OTUD7B: variants seen among roughly 807,000 people sequenced by gnomAD.
OTUD7B encodes the protein OTU deubiquitinase 7B.
In OTUD7B, 34 loss-of-function variants were observed where a neutral mutation model predicts 82.2. That is an observed-to-expected ratio of 0.41 (90% CI 0.31 to 0.55). The LOEUF (loss-of-function observed/expected upper bound fraction) is 0.55, where lower values mean the gene tolerates loss of function less well. OTUD7B is among the 20% of genes least tolerant of loss of function. The pLI, the probability that OTUD7B is intolerant of heterozygous loss-of-function variation, is 0.20. For missense variants in OTUD7B, 944 were observed against 1,062.1 expected (o/e 0.89, Z 1.55); for synonymous variants, 398 against 402.7 (o/e 0.99, Z 0.14).
rs181853716 is a variant in OTUD7B at position 149,941,844 on chromosome 1, G to C, written c.*2013C>G. ...AGTAACCCTTAAATTTTGCAACTTA[G>C]GGGAGTGCTCATCTCATACCAGGTT... On this transcript the variant is annotated 3_prime_UTR_variant, in exon 12 of 12. Coordinates refer to ENST00000581312, the MANE Select transcript of OTUD7B (RefSeq NM_020205.4). 1 of 151,894 alleles carries C rather than the reference G, an allele frequency of 6.6e-6. No individual in the cohort carries two copies. The highest frequency in any genetic ancestry group is 2.4e-5 in the African/African-American group (1 of 41,308). The allele number at this position is 151,894 out of a possible 1,614,324, so 9.4% of individuals were successfully genotyped here. A position where few individuals can be genotyped will look rare whatever the true frequency, so the allele number is the denominator to read the frequency against.
chr1:150,022,891 C>T, the OTUD7B span, among the ~76,000 whole-genome samples: 1 of 152,210 alleles, frequency 6.6e-6, no homozygotes, highest in Admixed American at 6.5e-5. Flanking sequence ...CCAGCAGCAG[C>T]CACAGCAACC....
the OTUD7B span, among the ~76,000 whole-genome samples, chr1:150,016,872 A>G: frequency 1.8e-4 from 27 of 152,332 alleles, no homozygotes; most frequent in Admixed American, 1.5e-3. Context: ...TCAGTAAGAG[A>G]CAGCTTGAGC....
the OTUD7B span, among the ~76,000 whole-genome samples, chr1:150,049,629 C>CTCTCTT: frequency 4.6e-5 from 2 of 43,472 alleles, no homozygotes; most frequent in African/African-American, 8.2e-5. Flanking sequence ...CTCTCTCTCT[C>CTCTCTT]TTTCTTTTTT....
At chr1:150,021,231 A>G in the OTUD7B span, among the ~76,000 whole-genome samples, 89 of 152,268 alleles carry the variant, frequency 5.8e-4, no homozygotes, top group Middle Eastern at 0.017. Context: ...ATTTTGCTAT[A>G]TCAGACAGTA....
intron 1 of OTUD7B, among the ~76,000 whole-genome samples, chr1:149,989,996 T>C (rs1298066222): frequency 1.3e-5 from 2 of 152,212 alleles, no homozygotes; most frequent in African/African-American, 2.4e-5. Flanking sequence ...TTGACCTTCC[T>C]GATACTCACA....
Position 149,944,759 on chromosome 1 carries a change from C to T in OTUD7B, c.1630G>A (p.Gly544Ser), listed in dbSNP as rs782204756. Residue 544 changes from glycine to serine, a missense_variant, in exon 12 of 12, where the codon GGC becomes AGC. Gly to Ser is a moderately conservative substitution (Grantham distance 56, BLOSUM62 0). Coordinates refer to ENST00000581312, the MANE Select transcript of OTUD7B (RefSeq NM_020205.4). Reference protein sequence around the residue: ...GVGTGLGGSSGTETLEKKKKN... With the variant: ...GVGTGLGGSSSTETLEKKKKN... ...TTCTTCTTCTCCAGTGTCTCAGTGC[C>T]GCTGCTTCCTCCCAACCCTGTCCCC... 24 of 1,613,844 alleles carry T rather than the reference C, an allele frequency of 1.5e-5. No individual in the cohort carries two copies. In the East Asian group the frequency reaches 3.1e-4, roughly 21 times the overall value.
chr1:149,961,984 A>G (rs1571630714), intron 6 of OTUD7B: 1 of 152,362 alleles, frequency 6.6e-6, no homozygotes, highest in African/African-American at 2.4e-5. Flanking sequence ...ACACTGACAG[A>G]GTAGAAGGAA....
At chr1:150,046,269 AT>A in the OTUD7B span, among the ~76,000 whole-genome samples, 2 of 152,030 alleles carry the variant, frequency 1.3e-5, no homozygotes, top group Non-Finnish European at 2.9e-5. Flanking sequence ...CACTGTCACA[AT>A]CCTGAGTCCA....
At chr1:149,988,997 G>C (rs1553781447) in intron 1 of OTUD7B, among the ~76,000 whole-genome samples, 4 of 152,036 alleles carry the variant, frequency 2.6e-5, no homozygotes. Context: ...TCCCTTTCTT[G>C]ATTTCTTTAG....
intron 1 of OTUD7B, among the ~76,000 whole-genome samples, chr1:150,005,732 G>A (rs782259783): frequency 1.3e-5 from 2 of 151,880 alleles, no homozygotes; most frequent in Non-Finnish European, 2.9e-5. Context: ...GATTTTCAAT[G>A]AAGCTGATAT....
chr1:150,020,209 A>G, the OTUD7B span, among the ~76,000 whole-genome samples: 1 of 151,932 alleles, frequency 6.6e-6, no homozygotes, highest in Non-Finnish European at 1.5e-5. Context: ...CAGGGAAAGA[A>G]TTCTTCACAC....
chr1:149,963,923 G>A, intron 6 of OTUD7B: 1 of 274,212 alleles, frequency 3.6e-6, no homozygotes, highest in Admixed American at 4.8e-5. Flanking sequence ...AAAATCCTAT[G>A]GAATTGTCAT....
chr1:150,066,032 AGACT>A, the OTUD7B span, among the ~76,000 whole-genome samples: 9 of 152,372 alleles, frequency 5.9e-5, no homozygotes, highest in South Asian at 2.1e-4. The surrounding 1 kb of genome is among the most constrained non-coding windows in gnomAD (Gnocchi z 4.6). Flanking sequence ...TATTGCTTAC[AGACT>A]GACTATTGTT....
chr1:149,950,330 T>C, intron 7 of OTUD7B, 109 bp from the exon 8 acceptor site: 2 of 1,094,486 alleles, frequency 1.8e-6, no homozygotes, highest in African/African-American at 3.2e-5. Flanking sequence ...AGAATGTCCT[T>C]TCCTGGTTTT....
At chr1:150,045,258 A>C in the OTUD7B span, among the ~76,000 whole-genome samples, 22,684 of 151,264 alleles carry the variant, frequency 0.15, 1,865 homozygotes, top group African/African-American at 0.18. Context: ...TGACCGGCTA[A>C]TTTTTTTGTA....
At chr1:150,055,131 AG>A in the OTUD7B span, 1 of 147,920 alleles carries the variant, frequency 6.8e-6, no homozygotes, top group Non-Finnish European at 1.5e-5. Context: ...TCCGCCCCTC[AG>A]GTTCACGCCA....
chr1:149,986,679 CA>C (rs1651164139), intron 1 of OTUD7B, among the ~76,000 whole-genome samples: 1 of 152,178 alleles, frequency 6.6e-6, no homozygotes, highest in African/African-American at 2.4e-5. Flanking sequence ...TCAAGACTGT[CA>C]AAAACTTTAA....
Position 149,946,018 on chromosome 1 carries a change from C to T in OTUD7B, c.1324-953G>A, listed in dbSNP as rs587728554. On this transcript the variant is annotated intron_variant, in intron 11 of 11. Transcript: ENST00000581312. ...GAGGTTGCAATAAGCTGAGATCGCACCATTGCACTCCAGCCTGGGCAAAAA... is the reference window on the plus strand; with the variant it reads ...GAGGTTGCAATAAGCTGAGATCGCATCATTGCACTCCAGCCTGGGCAAAAA... Among the ~76,000 whole-genome samples, 125 of 148,888 alleles carry T rather than the reference C, an allele frequency of 8.4e-4. 2 individuals are homozygous for T. Among genetic ancestry groups the T allele is most frequent in the African/African-American group, 3.0e-3 (121 of 40,300 alleles).
Position 149,939,696 on chromosome 1 carries a change from G to T in OTUD7B, c.*4161C>A, listed in dbSNP as rs951897970. 1 of 152,314 alleles carries T rather than the reference G, an allele frequency of 6.6e-6. No homozygotes were observed. The highest frequency in any genetic ancestry group is 6.5e-5 in the Admixed American group (1 of 15,282). The allele number at this position is 152,314 out of a possible 1,614,324, so 9.4% of individuals were successfully genotyped here. On this transcript the variant is annotated 3_prime_UTR_variant, in exon 12 of 12. Transcript: ENST00000581312. ...TGTAATCCCAGCACTTTGGGAGGCC[G>T]AGGCTGGCGGATCACCTGAGGTCAG...
Sources: allele counts gnomAD v4.1 joint callset (sites outside exome capture counted in the v4.1 genomes callset), GRCh38; gene constraint gnomAD v4.1.1; non-coding constraint Gnocchi (gnomAD v3.1); transcripts MANE v1.5; gene names NCBI Gene and HGNC (gene_info 2026-07-23, HGNC 2026-07-21).